Variants in BTAF1 observed in about 807,000 individuals in gnomAD.
BTAF1 encodes the protein TATA-binding protein-associated factor 172.
A neutral mutation model predicts 227.1 loss-of-function variants in BTAF1; 38 were observed. The observed-to-expected ratio is 0.17, with a 90% CI of 0.13 to 0.22. BTAF1 has a LOEUF of 0.22. Ranked by LOEUF, BTAF1 falls within the 10% of genes least tolerant of loss-of-function variation. The probability of loss-of-function intolerance (pLI) is 1.00; values close to 1 mark genes in which losing one functional copy is unlikely to be tolerated. For synonymous variants in BTAF1, 742 were observed against 751.9 expected (o/e 0.99, Z 0.21); for missense variants, 1,598 against 2,204.0 (o/e 0.73, Z 5.51).
At chr10:92,009,681 A>G (rs1850167050) in intron 28 of BTAF1, among the ~76,000 whole-genome samples, 2 of 152,212 alleles carry the variant, frequency 1.3e-5, no homozygotes. Context: ...TAAATAAAAA[A>G]GAGTTCCCCT....
At chr10:91,951,695 AT>A in intron 5 of BTAF1, 129 bp downstream of exon 5, 1 of 972,168 alleles carries the variant, frequency 1.0e-6, no homozygotes, top group South Asian at 2.3e-5. Flanking sequence ...TGCCACCATA[AT>A]TTAGCATCTT....
Position 91,997,746 on chromosome 10 carries a change from C to G in BTAF1, c.3655C>G (p.Leu1219Val). The change falls in exon 25 of 38, where the codon CTT becomes GTT. Residue 1219 changes from leucine (L) to valine (V), a missense_variant. Physicochemically the swap from Leu to Val is conservative, Grantham distance 32 (BLOSUM62 1). Coordinates refer to ENST00000265990, the MANE Select transcript of BTAF1 (RefSeq NM_003972.3). ...CFATLIRLMP[L>V]EAGIPDPPNM... ...TGCAACGCTAATTAGACTCATGCCA[C>G]TTGAGGTAAGTCAAAGATACTTGCT... 1 of 1,613,114 alleles carries G rather than the reference C, an allele frequency of 6.2e-7. No homozygotes were observed. The highest frequency in any genetic ancestry group is 8.5e-7 in the Non-Finnish European group (1 of 1,179,896).
At chr10:91,981,854 A>G (rs1008209750) in intron 16 of BTAF1, 62 bp downstream of exon 16, 6 of 1,509,608 alleles carry the variant, frequency 4.0e-6, no homozygotes, top group Non-Finnish European at 5.3e-6. Flanking sequence ...TACAGTAACC[A>G]TATTTTTAAA....
chr10:91,963,430 A>AAG (rs1846663052), intron 12 of BTAF1, among the ~76,000 whole-genome samples: 1 of 151,860 alleles, frequency 6.6e-6, no homozygotes, highest in South Asian at 2.1e-4. Flanking sequence ...AAAAAAAAAA[A>AAG]AAAAAATTAT....
Position 91,942,361 on chromosome 10 carries a change from A to AT in BTAF1, c.254-57dup, listed in dbSNP as rs1019813743. ...CATGCAACCCAAGTAATGATATGCT[A>AT]TTTTCTTTCATTCCACACTTTGGCT... On this transcript the variant is annotated intron_variant, in intron 3 of 37. Transcript: ENST00000265990. 3 of 1,446,848 alleles carry AT rather than the reference A, an allele frequency of 2.1e-6. No individual in the cohort carries two copies. The African/African-American group carries it at 4.2e-5, about 20-fold the overall frequency. 89.6% of individuals were successfully genotyped at this position (1,446,848 alleles called of 1,614,324 possible).
chr10:91,964,499 G>A (rs2133913475), intron 13 of BTAF1, among the ~76,000 whole-genome samples: 1 of 151,956 alleles, frequency 6.6e-6, no homozygotes, highest in African/African-American at 2.4e-5. Context: ...TCCAGTTCTA[G>A]TCCTAGAACG....
chr10:91,957,593 A>G (rs575698770), intron 8 of BTAF1, among the ~76,000 whole-genome samples: 5 of 152,124 alleles, frequency 3.3e-5, no homozygotes, highest in South Asian at 2.1e-4. Context: ...GAAGTGGACA[A>G]TTTTGATTGA....
intron 23 of BTAF1, 55 bp from the exon 24 acceptor site, chr10:91,996,314 C>A: frequency 6.7e-7 from 1 of 1,495,598 alleles, no homozygotes; most frequent in Non-Finnish European, 9.2e-7. Context: ...ATTATAGTTA[C>A]ATATTAAACA....
At chr10:91,977,785 G>A (rs1487646333) in intron 14 of BTAF1, among the ~76,000 whole-genome samples, 2 of 152,110 alleles carry the variant, frequency 1.3e-5, no homozygotes, top group East Asian at 1.9e-4. Flanking sequence ...GTATCTCATC[G>A]TTGTTTTAAT....
chr10:91,946,862 C>T (rs1402034434), intron 4 of BTAF1, among the ~76,000 whole-genome samples: 1 of 148,414 alleles, frequency 6.7e-6, no homozygotes, highest in South Asian at 2.1e-4. Context: ...TTTTTTGAGA[C>T]AGAGTCTCAC....
At chr10:91,943,967 A>G (rs981711159) in intron 4 of BTAF1, among the ~76,000 whole-genome samples, 14 of 152,110 alleles carry the variant, frequency 9.2e-5, no homozygotes, top group Non-Finnish European at 1.9e-4. Context: ...CCTGGCCAAC[A>G]TGGTGAAACC....
At chr10:91,998,020 G>A (rs1182941996) in intron 25 of BTAF1, among the ~76,000 whole-genome samples, 3 of 151,606 alleles carry the variant, frequency 2.0e-5, no homozygotes, top group East Asian at 1.9e-4. Flanking sequence ...TCAGCTACTC[G>A]GGATGCTGAG....
chr10:91,933,247 C>G (rs1281808072), intron 1 of BTAF1, among the ~76,000 whole-genome samples: 1 of 152,066 alleles, frequency 6.6e-6, no homozygotes, highest in Non-Finnish European at 1.5e-5. Flanking sequence ...TAAGTGTGAG[C>G]CATTGAAAGT....
intron 25 of BTAF1, among the ~76,000 whole-genome samples, chr10:91,998,277 A>C (rs539359339): frequency 1.3e-5 from 2 of 152,364 alleles, no homozygotes; most frequent in South Asian, 4.1e-4. Flanking sequence ...TTTAACACAC[A>C]GAGTTTTAAT....
intron 32 of BTAF1, among the ~76,000 whole-genome samples, chr10:92,015,391 T>A (rs1850646175): frequency 6.6e-6 from 1 of 152,212 alleles, no homozygotes; most frequent in Non-Finnish European, 1.5e-5. Flanking sequence ...GAAACTTACT[T>A]TTCCCCCCTC....
intron 9 of BTAF1, 84 bp downstream of exon 9, chr10:91,959,238 G>A (rs751799801): frequency 3.8e-5 from 61 of 1,593,168 alleles, no homozygotes; most frequent in African/African-American, 6.7e-5. Context: ...AGTATGTGCC[G>A]TGAAGTAGGA....
rs1388342927 is a variant in BTAF1, at chr10:92,028,885, G to C, written c.5502G>C (p.Gln1834His). The C allele has an allele frequency of 6.2e-7, 1 of 1,604,874 alleles. No homozygotes were observed. The highest frequency in any genetic ancestry group is 2.3e-5 in the East Asian group (1 of 44,412). ...ENLSDLWDQE[Q>H]YDSEYSLENF... is the part of the protein sequence containing the mutation. ...TGAGTGATCTTTGGGATCAAGAGCA[G>C]TATGATTCAGAGTACAGCCTGGAAA... is the stretch of plus-strand genomic sequence containing the variant. Residue 1834 changes from glutamine to histidine, a missense_variant, in exon 38 of 38, where the codon CAG (glutamine) becomes CAC (histidine). Around this residue, in one of 10 missense-constraint regions of BTAF1, gnomAD observed 79 missense variants for 97.9 expected, o/e 0.81. Transcript: ENST00000265990.
At chr10:91,925,875 G>GGTACT (rs1039112108) in intron 1 of BTAF1, among the ~76,000 whole-genome samples, 16 of 152,240 alleles carry the variant, frequency 1.1e-4, no homozygotes, top group African/African-American at 3.4e-4. Context: ...GGGTTTTGAA[G>GGTACT]GTACTGTCTT....
At chr10:91,968,413 A>G (rs1847074930) in intron 14 of BTAF1, among the ~76,000 whole-genome samples, 1 of 152,162 alleles carries the variant, frequency 6.6e-6, no homozygotes, top group Non-Finnish European at 1.5e-5. Flanking sequence ...ATGATACTCC[A>G]TTGTCTGTAC....
Sources: allele counts gnomAD v4.1 joint callset (sites outside exome capture counted in the v4.1 genomes callset), GRCh38; gene constraint gnomAD v4.1.1; regional missense constraint gnomAD v4.1.1; transcripts MANE v1.5; gene names NCBI Gene and HGNC (gene_info 2026-07-23, HGNC 2026-07-21).